OPCML: variants seen among roughly 807,000 people sequenced by gnomAD.
The protein encoded by OPCML is opioid-binding protein/cell adhesion molecule.
Under a neutral mutation model 37.8 loss-of-function variants are expected in OPCML, and 13 were observed. That is an observed-to-expected ratio of 0.34 (90% confidence interval 0.22 to 0.55). The LOEUF (loss-of-function observed/expected upper bound fraction) is 0.55. Among genes scored for constraint, OPCML ranks in the 20% least tolerant of loss-of-function variants. The probability of loss-of-function intolerance (pLI) is 0.91; values close to 1 mark genes in which losing one functional copy is unlikely to be tolerated. For missense variants in OPCML, 341 were observed against 435.6 expected (o/e 0.78, Z 1.93); for synonymous variants, 176 against 168.8 (o/e 1.04, Z -0.33).
intron 1 of OPCML, among the ~76,000 whole-genome samples, chr11:132,990,082 T>A (rs1946749080): frequency 6.6e-6 from 1 of 152,032 alleles, no homozygotes; most frequent in Non-Finnish European, 1.5e-5. Flanking sequence ...TAGGAGCTAG[T>A]GGAGAGGAAA....
At chr11:133,246,679 T>G (rs2136423768) in intron 1 of OPCML, among the ~76,000 whole-genome samples, 1 of 152,350 alleles carries the variant, frequency 6.6e-6, no homozygotes, top group African/African-American at 2.4e-5. Context: ...CTGCATTTCT[T>G]ACAAAAAGCA....
intron 1 of OPCML, chr11:133,421,301 A>C (rs1945880714): frequency 1.0e-6 from 1 of 985,304 alleles, no homozygotes; most frequent in Non-Finnish European, 1.2e-6. Flanking sequence ...GAATGTGGTC[A>C]GCTGTGGGCT....
intron 1 of OPCML, among the ~76,000 whole-genome samples, chr11:133,014,401 T>C (rs972052941): frequency 6.6e-6 from 1 of 152,116 alleles, no homozygotes; most frequent in African/African-American, 2.4e-5. Flanking sequence ...AAAAAATTAT[T>C]GTTCTCCCCT....
intron 1 of OPCML, among the ~76,000 whole-genome samples, chr11:133,521,870 C>A (rs1948404381): frequency 6.6e-6 from 1 of 152,236 alleles, no homozygotes; most frequent in Non-Finnish European, 1.5e-5. Flanking sequence ...GGCCTTTCTT[C>A]CTAGAATGGA....
Position 132,660,659 on chromosome 11 carries a change from C to T in OPCML, c.147-3340G>A, listed in dbSNP as rs116293997. ...CCGAGCCCTCTGTTAGGACATGTCT[C>T]ATCTCCAAGTTCTAATTCTAAATGG... On this transcript the variant is annotated intron_variant, in intron 2 of 7. Coordinates refer to ENST00000524381, the MANE Select transcript of OPCML (RefSeq NM_001012393.5). 2.8e-3 allele frequency among the ~76,000 whole-genome samples: 421 copies of T among 152,264 alleles called. 3 individuals carry two copies. The highest frequency in any genetic ancestry group is 9.4e-3 in the African/African-American group (389 of 41,540).
intron 2 of OPCML, among the ~76,000 whole-genome samples, chr11:132,680,776 C>T (rs559283254): frequency 6.6e-6 from 1 of 152,304 alleles, no homozygotes; most frequent in East Asian, 1.9e-4. Context: ...TAGCCAGGCC[C>T]TAGCTTGAAT....
intron 1 of OPCML, among the ~76,000 whole-genome samples, chr11:133,027,414 C>T (rs1294861809): frequency 2.6e-5 from 4 of 151,690 alleles, no homozygotes; most frequent in Admixed American, 2.6e-4. Context: ...CTAGTTAAAG[C>T]AAAAATAAAG....
rs562056846 is a variant in OPCML at position 132,552,763 on chromosome 11, C to CTTTTTTTTTTTTTTTTTTTTTTTT, written c.380-23578_380-23577insAAAAAAAAAAAAAAAAAAAAAAAA. ...TAGTCAAACTAAATTAAACACTACT[C>CTTTTTTTTTTTTTTTTTTTTTTTT]TTTTTTTTTTTTTTTTGAGACCGAG... On this transcript the variant is annotated intron_variant, in intron 3 of 7. Coordinates refer to ENST00000524381, the MANE Select transcript of OPCML (RefSeq NM_001012393.5). 2.8e-3 allele frequency among the ~76,000 whole-genome samples: 256 copies of CTTTTTTTTTTTTTTTTTTTTTTTT among 92,736 alleles called. 64 individuals are homozygous for CTTTTTTTTTTTTTTTTTTTTTTTT. Among genetic ancestry groups the CTTTTTTTTTTTTTTTTTTTTTTTT allele is most frequent in the African/African-American group, 7.3e-3 (130 of 17,824 alleles). 60.8% of individuals were successfully genotyped at this position (92,736 alleles called of 152,430 possible). A position where few individuals can be genotyped will look rare whatever the true frequency, so the allele number is the denominator to read the frequency against.
At chr11:133,385,938 T>C (rs1164544406) in intron 1 of OPCML, among the ~76,000 whole-genome samples, 5 of 151,752 alleles carry the variant, frequency 3.3e-5, no homozygotes, top group Admixed American at 6.6e-5. Flanking sequence ...AAACATCAAA[T>C]CAAGCAGCAG....
intron 2 of OPCML, among the ~76,000 whole-genome samples, chr11:132,853,101 T>C (rs888705446): frequency 6.6e-6 from 1 of 152,214 alleles, no homozygotes; most frequent in African/African-American, 2.4e-5. Flanking sequence ...AATGAAATTA[T>C]AGTTATTCAG....
At chr11:133,118,769 A>G (rs1949376814) in intron 1 of OPCML, among the ~76,000 whole-genome samples, 2 of 152,172 alleles carry the variant, frequency 1.3e-5, no homozygotes, top group Non-Finnish European at 2.9e-5. Flanking sequence ...GCTGGCTGAC[A>G]GCTAAGTATT....
intron 3 of OPCML, among the ~76,000 whole-genome samples, chr11:132,606,919 G>C (rs1364134926): frequency 6.6e-6 from 1 of 152,182 alleles, no homozygotes; most frequent in Non-Finnish European, 1.5e-5. Context: ...CCAATTTGGA[G>C]AGACAGTATG....
intron 4 of OPCML, among the ~76,000 whole-genome samples, chr11:132,520,354 A>G (rs887126678): frequency 1.3e-5 from 2 of 152,160 alleles, no homozygotes; most frequent in Non-Finnish European, 2.9e-5. Flanking sequence ...ATTTGTCATT[A>G]CTTAACCTTT....
chr11:133,304,456 T>A (rs187410998), intron 1 of OPCML, among the ~76,000 whole-genome samples: 21 of 152,330 alleles, frequency 1.4e-4, no homozygotes, highest in African/African-American at 5.1e-4. Flanking sequence ...ATGCCTTCCA[T>A]TTTACAGATG....
intron 1 of OPCML, among the ~76,000 whole-genome samples, chr11:133,103,933 C>T (rs1949121548): frequency 6.6e-6 from 1 of 152,190 alleles, no homozygotes; most frequent in South Asian, 2.1e-4. Flanking sequence ...GTTAATGGAA[C>T]ACTAATGATG....
intron 3 of OPCML, among the ~76,000 whole-genome samples, chr11:132,631,647 T>G (rs1179795546): frequency 3.3e-5 from 5 of 150,836 alleles, no homozygotes; most frequent in African/African-American, 7.3e-5. Context: ...TTATTTTTAG[T>G]AGAGACATAT....
chr11:133,005,667 G>C, intron 1 of OPCML: 1 of 980,100 alleles, frequency 1.0e-6, no homozygotes, highest in Non-Finnish European at 1.2e-6. Flanking sequence ...TGTTATGCAT[G>C]GATACTTATC....
At chr11:132,809,136 T>G (rs10894611) in intron 2 of OPCML, among the ~76,000 whole-genome samples, 34,073 of 152,056 alleles carry the variant, frequency 0.22, 4,824 homozygotes, top group Non-Finnish European at 0.33. Flanking sequence ...CAGCAAAAAT[T>G]AATGCTGAGT....
At chr11:133,333,180 TC>T (rs1477342440) in intron 1 of OPCML, among the ~76,000 whole-genome samples, 2 of 152,078 alleles carry the variant, frequency 1.3e-5, no homozygotes, top group African/African-American at 4.8e-5. Context: ...TGCCTCAGCC[TC>T]CCAAGCAGCT....
Sources: allele counts gnomAD v4.1 joint callset (sites outside exome capture counted in the v4.1 genomes callset), GRCh38; gene constraint gnomAD v4.1.1; transcripts MANE v1.5; gene names NCBI Gene and HGNC (gene_info 2026-07-23, HGNC 2026-07-21).